The following HIF3A variants were observed in gnomAD, a reference collection of about 807,000 sequenced individuals.
HIF3A encodes hypoxia inducible factor 3 subunit alpha.
In HIF3A, 41 loss-of-function variants were observed where a neutral mutation model predicts 67.2. The ratio of observed to expected loss-of-function variants is 0.61; its 90% CI spans 0.48 to 0.79. The LOEUF (loss-of-function observed/expected upper bound fraction) is 0.79, where lower values mean the gene tolerates loss of function less well. Among genes scored for constraint, HIF3A ranks in the 30% least tolerant of loss-of-function variants. The probability of loss-of-function intolerance (pLI) is 0.00; values close to 1 mark genes in which losing one functional copy is unlikely to be tolerated. For missense variants in HIF3A, 855 were observed against 898.0 expected, an observed-to-expected ratio of 0.95 and a Z score of 0.61; for synonymous variants, 356 against 374.8, an observed-to-expected ratio of 0.95 and a Z score of 0.58.
At chr19:46,338,616 C>A in intron 14 of HIF3A, 1 of 712,874 alleles carries the variant, frequency 1.4e-6, no homozygotes, top group Non-Finnish European at 1.8e-6. Context: ...AGTTATGGTT[C>A]AAAACACCTT....
intron 10 of HIF3A, among the ~76,000 whole-genome samples, chr19:46,322,786 C>A (rs1298280527): frequency 6.6e-6 from 1 of 152,080 alleles, no homozygotes; most frequent in Non-Finnish European, 1.5e-5. Context: ...GTAATCAGGA[C>A]AACACTTATT....
In HIF3A at chr19:46,339,711, G is replaced by T; in HGVS notation, c.*89G>T. ...GGCAGCCAACGCACAGGATGGGGGCGCCAGGAGAGGGGCCCCTCTCTCCTC... is the reference window on the plus strand; with the variant it reads ...GGCAGCCAACGCACAGGATGGGGGCTCCAGGAGAGGGGCCCCTCTCTCCTC... On this transcript the variant is annotated 3_prime_UTR_variant, in exon 15 of 15. Coordinates refer to ENST00000377670, the MANE Select transcript of HIF3A (RefSeq NM_152795.4). 3 of 916,650 alleles carry T rather than the reference G, an allele frequency of 3.3e-6. No individual in the cohort carries two copies. The highest frequency in any genetic ancestry group is 1.7e-5 in the African/African-American group (1 of 59,328). 56.8% of individuals were successfully genotyped at this position (916,650 alleles called of 1,614,324 possible).
chr19:46,313,852 G>C (rs1969692503), intron 8 of HIF3A, among the ~76,000 whole-genome samples: 1 of 151,950 alleles, frequency 6.6e-6, no homozygotes, highest in African/African-American at 2.4e-5. Flanking sequence ...AATAGAGAAG[G>C]AGTTTCACCA....
intron 14 of HIF3A, among the ~76,000 whole-genome samples, chr19:46,336,193 C>T (rs571757986): frequency 1.4e-5 from 2 of 146,532 alleles, no homozygotes; most frequent in Admixed American, 1.4e-4. Flanking sequence ...CCCAGGTTCA[C>T]GCCATTCTCT....
intron 14 of HIF3A, 70 bp from the exon 15 acceptor site, chr19:46,339,455 G>T: frequency 1.0e-6 from 1 of 998,398 alleles, no homozygotes; most frequent in South Asian, 1.9e-5. Context: ...TGACATTGGG[G>T]TTATGGTTGT....
chr19:46,332,983 GA>G (rs538814072), intron 13 of HIF3A, among the ~76,000 whole-genome samples: 2,438 of 109,372 alleles, frequency 0.022, 38 homozygotes, highest in Non-Finnish European at 0.021. Flanking sequence ...CTCCCTCTCA[GA>G]AAAAAAAAAA....
intron 10 of HIF3A, among the ~76,000 whole-genome samples, chr19:46,322,693 G>A (rs571546538): frequency 1.3e-5 from 2 of 152,052 alleles, no homozygotes; most frequent in East Asian, 1.9e-4. Context: ...TTCCGGCCTC[G>A]GCCTCCCAGA....
chr19:46,298,474 C>A (rs769776025), intron 1 of HIF3A: 32 of 1,287,336 alleles, frequency 2.5e-5, no homozygotes, highest in Non-Finnish European at 3.2e-5. Context: ...CCCTCCTGCA[C>A]CCCCTGGATG....
chr19:46,332,539 C>CA (rs1971309427), intron 13 of HIF3A, among the ~76,000 whole-genome samples: 1 of 151,946 alleles, frequency 6.6e-6, no homozygotes, highest in South Asian at 2.1e-4. Context: ...GACGCTGTCT[C>CA]AAAAAAATAA....
intron 4 of HIF3A, 153 bp downstream of exon 4, chr19:46,308,458 GA>G (rs1230699355): frequency 3.1e-6 from 2 of 651,856 alleles, no homozygotes; most frequent in African/African-American, 1.8e-5. Context: ...TGGGGACAAA[GA>G]CCCTGCCCTG....
chr19:46,304,040 A>AT lies in HIF3A; in HGVS notation c.170dup (p.Met57IlefsTer75). ...CGCCCACCTGGACAAGGCCTCTATC[A>AT]TGCGCCTCACCATCAGCTACCTGCG... On this transcript the variant is annotated frameshift_variant, in exon 2 of 15. Coordinates refer to ENST00000377670, the MANE Select transcript of HIF3A (RefSeq NM_152795.4). LOFTEE classifies it high-confidence loss of function. The AT allele has an allele frequency of 6.3e-7, 1 of 1,588,474 alleles. No homozygotes were observed. Among genetic ancestry groups the AT allele is most frequent in the African/African-American group, 1.3e-5 (1 of 74,386 alleles).
At chr19:46,302,052 T>C (rs1968383286) in intron 1 of HIF3A, among the ~76,000 whole-genome samples, 1 of 152,114 alleles carries the variant, frequency 6.6e-6, no homozygotes, top group South Asian at 2.1e-4. Flanking sequence ...ATATATACAA[T>C]ATAGTAGATG....
intron 14 of HIF3A, among the ~76,000 whole-genome samples, chr19:46,336,717 T>C (rs531799708): frequency 5.3e-5 from 8 of 151,192 alleles, no homozygotes; most frequent in Non-Finnish European, 1.2e-4. Flanking sequence ...CCAGGTGCAG[T>C]GGCTCATGCC....
intron 10 of HIF3A, 137 bp from the exon 11 acceptor site, chr19:46,325,398 A>G: frequency 6.0e-6 from 4 of 662,040 alleles, no homozygotes; most frequent in South Asian, 5.1e-5. Context: ...ACTCATCTGC[A>G]TTTGCCGTTG....
chr19:46,318,971 A>G (rs766112999), intron 8 of HIF3A, among the ~76,000 whole-genome samples: 1 of 152,166 alleles, frequency 6.6e-6, no homozygotes, highest in Non-Finnish European at 1.5e-5. Flanking sequence ...ACCACTGTGT[A>G]AGTAGCGGAG....
Position 46,303,837 on chromosome 19 carries a change from C to T in HIF3A, c.27-61C>T, listed in dbSNP as rs754397971. 6 of 1,555,784 alleles carry T rather than the reference C, an allele frequency of 3.9e-6. No homozygotes were observed. In the East Asian group the frequency reaches 7.1e-5, roughly 18 times the overall value. ...CCCACGTGGCAGCTCCCCACGTGCT[C>T]GTCCCGTCCTCCTTTTCTCTTTCCC... On this transcript the variant is annotated intron_variant, in intron 1 of 14. Transcript: ENST00000377670.
intron 14 of HIF3A, 97 bp from the exon 15 acceptor site, chr19:46,339,428 A>G: frequency 1.2e-6 from 1 of 838,486 alleles, no homozygotes. Flanking sequence ...TTTCCTTAAG[A>G]TTTTAAACAT....
intron 3 of HIF3A, among the ~76,000 whole-genome samples, chr19:46,307,762 AAAG>A (rs1002856383): frequency 2.6e-5 from 4 of 151,900 alleles, no homozygotes; most frequent in Non-Finnish European, 4.4e-5. Context: ...AAAAAAAAGA[AAAG>A]AAAAAAATAG....
intron 2 of HIF3A, among the ~76,000 whole-genome samples, chr19:46,304,852 A>C (rs1352099586): frequency 1.4e-5 from 2 of 138,462 alleles, no homozygotes; most frequent in African/African-American, 5.4e-5. Flanking sequence ...GCCCTCCATG[A>C]GTTTGAACCC....
Sources: allele counts gnomAD v4.1 joint callset (sites outside exome capture counted in the v4.1 genomes callset), GRCh38; gene constraint gnomAD v4.1.1; transcripts MANE v1.5; gene names NCBI Gene and HGNC (gene_info 2026-07-23, HGNC 2026-07-21).